CELF4: variants seen among roughly 807,000 people sequenced by gnomAD.
The protein encoded by CELF4 is CUGBP Elav-like family member 4.
Under a neutral mutation model 59.9 loss-of-function variants are expected in CELF4, and 18 were observed. That is an observed-to-expected ratio of 0.30 (90% CI 0.21 to 0.45). The LOEUF (loss-of-function observed/expected upper bound fraction) is 0.45, where lower values mean the gene tolerates loss of function less well. Among genes scored for constraint, CELF4 ranks in the 20% least tolerant of loss-of-function variants. The pLI is 1.00. For synonymous variants in CELF4, 261 were observed against 267.1 expected (o/e 0.98, Z 0.22); for missense variants, 456 against 689.0 (o/e 0.66, Z 3.79).
intron 2 of CELF4, among the ~76,000 whole-genome samples, chr18:37,375,540 A>C (rs867292333): frequency 1.3e-5 from 2 of 152,234 alleles, no homozygotes; most frequent in Non-Finnish European, 1.5e-5. Context: ...CTTGGTCCCT[A>C]TAGCTTACTT....
At position 37,272,434 on chromosome 18, in the gene CELF4, A is replaced by C. The variant is rs550791179; in HGVS notation, c.949+582T>G. Among the ~76,000 whole-genome samples the C allele has an allele frequency of 5.9e-4, 90 of 152,318 alleles. No individual in the cohort carries two copies. In the South Asian group the frequency reaches 0.015, roughly 26 times the overall value. On this transcript the variant is annotated intron_variant, in intron 7 of 12. Coordinates refer to ENST00000420428, the MANE Select transcript of CELF4 (RefSeq NM_020180.4). ...GACTCACTGGACTGGACAATAGCCA[A>C]GATTCAATCAAAAACATGATTTGTG...
intron 3 of CELF4, among the ~76,000 whole-genome samples, chr18:37,280,584 C>T (rs1466534940): frequency 6.6e-6 from 1 of 152,206 alleles, no homozygotes; most frequent in Non-Finnish European, 1.5e-5. Context: ...AAACTAGCTA[C>T]ACCCTGATGG....
intron 2 of CELF4, among the ~76,000 whole-genome samples, chr18:37,339,210 C>T (rs924207435): frequency 6.6e-6 from 1 of 152,244 alleles, no homozygotes; most frequent in Non-Finnish European, 1.5e-5. Flanking sequence ...GCTGCCACTG[C>T]CAAGCCTGGA....
rs917159023 is a variant in CELF4 at position 37,260,055 on chromosome 18, G to T, written c.1250-791C>A. On this transcript the variant is annotated intron_variant, in intron 10 of 12. Coordinates refer to ENST00000420428, the MANE Select transcript of CELF4 (RefSeq NM_020180.4). Reference sequence around the variant, plus strand: ...GTCTCTAACTCACTTAATCCTTACAGCAACCCTGTGACATTATTATCATCA... The same window carrying T: ...GTCTCTAACTCACTTAATCCTTACATCAACCCTGTGACATTATTATCATCA... 7.9e-5 allele frequency among the ~76,000 whole-genome samples: 12 copies of T among 152,156 alleles called. 1 individual carries two copies. Among genetic ancestry groups the T allele is most frequent in the Non-Finnish European group, 1.3e-4 (9 of 68,020 alleles).
intron 2 of CELF4, among the ~76,000 whole-genome samples, chr18:37,329,409 T>G (rs2154530057): frequency 6.6e-6 from 1 of 152,336 alleles, no homozygotes; most frequent in Non-Finnish European, 1.5e-5. Flanking sequence ...AGACATCACC[T>G]CTTCCCATGG....
chr18:37,397,094 C>G (rs576354305), intron 2 of CELF4, among the ~76,000 whole-genome samples: 8 of 152,198 alleles, frequency 5.3e-5, no homozygotes, highest in African/African-American at 1.9e-4. Context: ...CATGTCACTG[C>G]CTTTGTCACC....
At chr18:37,258,248 C>T (rs1439598482) in intron 11 of CELF4, among the ~76,000 whole-genome samples, 1 of 151,882 alleles carries the variant, frequency 6.6e-6, no homozygotes, top group Admixed American at 6.6e-5. Context: ...CACTGCCTAC[C>T]ACACCCCGTG....
At chr18:37,296,714 A>G (rs1194642612) in intron 3 of CELF4, among the ~76,000 whole-genome samples, 1 of 152,182 alleles carries the variant, frequency 6.6e-6, no homozygotes, top group African/African-American at 2.4e-5. Flanking sequence ...AAACGCTAAC[A>G]GCCCTGCCTG....
At chr18:37,342,266 C>T (rs1360448574) in intron 2 of CELF4, among the ~76,000 whole-genome samples, 18 of 151,668 alleles carry the variant, frequency 1.2e-4, no homozygotes, top group South Asian at 2.1e-4. Flanking sequence ...CACACACACA[C>T]GCTGGGCACA....
chr18:37,320,939 C>T (rs554265592), intron 3 of CELF4, among the ~76,000 whole-genome samples: 14 of 152,220 alleles, frequency 9.2e-5, no homozygotes, highest in Non-Finnish European at 1.6e-4. Context: ...TAGGGGAGGC[C>T]TGATCTTGGA....
intron 2 of CELF4, among the ~76,000 whole-genome samples, chr18:37,452,350 C>T (rs560332199): frequency 6.6e-6 from 1 of 152,100 alleles, no homozygotes; most frequent in African/African-American, 2.4e-5. Context: ...GATGGGGAAA[C>T]AGGCGGTGCC....
At position 37,273,022 on chromosome 18, in the gene CELF4, T is replaced by C; in HGVS notation, c.943A>G (p.Thr315Ala). 1.2e-6 allele frequency: 2 copies of C among 1,607,882 alleles called. No individual in the cohort carries two copies. Among genetic ancestry groups the C allele is most frequent in the Non-Finnish European group, 1.7e-6 (2 of 1,176,952 alleles). The part of the protein sequence containing the change: ...NGLAAAPMTP[T>A]SGGSTPPGIT... ...TTGGCACCTGCCAGCTCACCTGAGG[T>C]TGGGGTCATAGGTGCGGCCGCCAGG... The change falls in exon 7 of 13, where the codon ACC (threonine) becomes GCC (alanine). Residue 315 changes from threonine to alanine, a missense_variant. By Grantham distance (58) the Thr-to-Ala change is moderately conservative (BLOSUM62 0). Coordinates refer to ENST00000420428, the MANE Select transcript of CELF4 (RefSeq NM_020180.4).
At chr18:37,494,928 G>A (rs565988670) in intron 1 of CELF4, among the ~76,000 whole-genome samples, 1 of 152,328 alleles carries the variant, frequency 6.6e-6, no homozygotes, top group African/African-American at 2.4e-5. Flanking sequence ...AGACACCCAA[G>A]TAGAGTCAGC....
chr18:37,270,026 C>CT (rs2090356753), intron 8 of CELF4, among the ~76,000 whole-genome samples: 1 of 152,198 alleles, frequency 6.6e-6, no homozygotes, highest in East Asian at 1.9e-4. Flanking sequence ...TACTAGAGGG[C>CT]TTTGGGCCCA....
intron 3 of CELF4, among the ~76,000 whole-genome samples, chr18:37,319,177 C>T (rs1388655892): frequency 2.6e-5 from 4 of 152,210 alleles, no homozygotes; most frequent in Admixed American, 6.5e-5. Context: ...GCCTGGGTGA[C>T]GGTCTCCAGG....
At chr18:37,416,737 T>C (rs2099531924) in intron 2 of CELF4, among the ~76,000 whole-genome samples, 1 of 152,204 alleles carries the variant, frequency 6.6e-6, no homozygotes, top group Admixed American at 6.5e-5. Flanking sequence ...CAGTGTGTCC[T>C]GGCCCTGTGA....
chr18:37,562,488 G>A (rs187483326), intron 1 of CELF4, among the ~76,000 whole-genome samples: 5 of 152,094 alleles, frequency 3.3e-5, no homozygotes, highest in Admixed American at 6.5e-5. Context: ...ATTAAGGAAG[G>A]GGAGAGCAAG....
chr18:37,330,685 C>G (rs1218606750), intron 2 of CELF4, among the ~76,000 whole-genome samples: 1 of 152,264 alleles, frequency 6.6e-6, no homozygotes, highest in Non-Finnish European at 1.5e-5. Context: ...AGGTACTGAC[C>G]AAATGATGAC....
intron 2 of CELF4, among the ~76,000 whole-genome samples, chr18:37,459,551 G>A (rs139475312): frequency 1.3e-5 from 2 of 152,224 alleles, no homozygotes; most frequent in East Asian, 1.9e-4. Context: ...GGAAGTGGGA[G>A]GAATGAGGAC....
Sources: gnomAD v4.1 joint callset for allele counts (sites outside exome capture counted in the v4.1 genomes callset) on GRCh38, gnomAD v4.1.1 for gene constraint, MANE v1.5 for transcripts, NCBI Gene and HGNC (gene_info 2026-07-23, HGNC 2026-07-21) for gene names.